Variants in MAD1L1 observed in about 807,000 individuals in gnomAD.
MAD1L1 encodes mitotic arrest deficient 1 like 1, also known as mitotic spindle assembly checkpoint protein MAD1.
MAD1L1 carries 95 observed loss-of-function variants against 96.9 expected under a neutral mutation model. That is an observed-to-expected ratio of 0.98 (90% CI 0.83 to 1.16). The LOEUF (loss-of-function observed/expected upper bound fraction) is 1.16. Ranked by LOEUF, MAD1L1 falls within the 50% of genes most tolerant of loss-of-function variation. MAD1L1 has a pLI of 0.00. For missense variants in MAD1L1, 1,007 were observed against 954.4 expected, an observed-to-expected ratio of 1.06 and a Z score of -0.73; for synonymous variants, 473 against 396.6, an observed-to-expected ratio of 1.19 and a Z score of -2.29.
intron 13 of MAD1L1, among the ~76,000 whole-genome samples, chr7:2,012,739 T>C (rs947112948): frequency 1.3e-5 from 2 of 152,180 alleles, no homozygotes; most frequent in East Asian, 3.9e-4. Flanking sequence ...GGACACGGCA[T>C]AGTTCCAGGG....
intron 17 of MAD1L1, among the ~76,000 whole-genome samples, chr7:1,935,494 C>T (rs961715503): frequency 2.6e-5 from 4 of 152,162 alleles, no homozygotes; most frequent in Admixed American, 6.5e-5. Flanking sequence ...CGGCAGGGTG[C>T]GCCCAGACTC....
At chr7:1,845,311 G>C (rs548983159) in intron 18 of MAD1L1, 1 of 152,302 alleles carries the variant, frequency 6.6e-6, no homozygotes, top group East Asian at 1.9e-4. Context: ...ATGTGGGAGA[G>C]GCCGGCGGCT....
In MAD1L1 at chr7:2,109,183, G is replaced by A. The variant is rs186728999; in HGVS notation, c.1074-39845C>T. ...CATCTCCCACCTAGACGGAAAACCC[G>A]AGCTCTGCTCCTCCTGAAATGAGGC... On this transcript the variant is annotated intron_variant, in intron 11 of 18. Transcript: ENST00000265854. 3.5e-3 allele frequency among the ~76,000 whole-genome samples: 531 copies of A among 152,288 alleles called. 4 individuals are homozygous for A. The highest frequency in any genetic ancestry group is 5.7e-3 in the Non-Finnish European group (385 of 68,010).
intron 14 of MAD1L1, among the ~76,000 whole-genome samples, chr7:1,984,816 TTA>T (rs1399119664): frequency 6.6e-6 from 1 of 152,258 alleles, no homozygotes; most frequent in African/African-American, 2.4e-5. Flanking sequence ...TTCTGTTGTA[TTA>T]TGTTGTTATG....
At chr7:2,128,067 G>C (rs558063526) in intron 11 of MAD1L1, among the ~76,000 whole-genome samples, 1 of 152,244 alleles carries the variant, frequency 6.6e-6, no homozygotes, top group South Asian at 2.1e-4. Context: ...CACAGTCGTC[G>C]GTTACAACTC....
At chr7:2,195,282 A>G (rs1019815860) in intron 10 of MAD1L1, among the ~76,000 whole-genome samples, 48 of 152,274 alleles carry the variant, frequency 3.2e-4, no homozygotes, top group African/African-American at 1.1e-3. Flanking sequence ...AAAAATACCT[A>G]CTTTTCTTAT....
intron 11 of MAD1L1, among the ~76,000 whole-genome samples, chr7:2,096,149 C>T (rs1562682659): frequency 6.6e-6 from 1 of 152,260 alleles, no homozygotes; most frequent in Non-Finnish European, 1.5e-5. Flanking sequence ...ACAGGCTGTG[C>T]TCAGAAGAAA....
intron 16 of MAD1L1, among the ~76,000 whole-genome samples, chr7:1,954,641 G>A (rs1288588562): frequency 1.1e-4 from 17 of 152,298 alleles, no homozygotes; most frequent in African/African-American, 3.4e-4. Context: ...CACGGGGTCC[G>A]CCCGATTTCT....
intron 18 of MAD1L1, among the ~76,000 whole-genome samples, chr7:1,842,053 G>A (rs1468371883): frequency 6.6e-6 from 1 of 152,180 alleles, no homozygotes; most frequent in South Asian, 2.1e-4. Context: ...CTTGTTTTTC[G>A]TCTTTGGCAG....
chr7:2,152,533 T>C (rs1461000712), intron 10 of MAD1L1, among the ~76,000 whole-genome samples: 3 of 152,174 alleles, frequency 2.0e-5, no homozygotes, highest in Admixed American at 6.5e-5. Context: ...GTGAGCTCGA[T>C]GACAGCCTTC....
intron 12 of MAD1L1, among the ~76,000 whole-genome samples, chr7:2,017,549 C>T (rs1299480530): frequency 1.3e-5 from 2 of 152,162 alleles, no homozygotes; most frequent in African/African-American, 4.8e-5. Context: ...GATAGTCGGG[C>T]AGAGGGGCTG....
At chr7:2,092,557 C>A (rs994676411) in intron 11 of MAD1L1, among the ~76,000 whole-genome samples, 2 of 151,722 alleles carry the variant, frequency 1.3e-5, no homozygotes, top group Admixed American at 1.3e-4. Context: ...ATGCCCCGCC[C>A]GAGCATCCTC....
chr7:2,183,863 T>A, intron 10 of MAD1L1, among the ~76,000 whole-genome samples: 1 of 151,814 alleles, frequency 6.6e-6, no homozygotes, highest in Non-Finnish European at 1.5e-5. Context: ...GTAACAAACC[T>A]GCACGTTGTG....
chr7:1,840,364 G>C (rs1710555712), intron 18 of MAD1L1, among the ~76,000 whole-genome samples: 1 of 152,200 alleles, frequency 6.6e-6, no homozygotes, highest in African/African-American at 2.4e-5. Flanking sequence ...GGGTATCTGG[G>C]AGACGCCTCT....
rs961747972 is a variant in MAD1L1, at chr7:2,232,894, G to C, written c.-212C>G. 3 of 152,250 alleles carry C rather than the reference G, an allele frequency of 2.0e-5. No homozygotes were observed. The highest frequency in any genetic ancestry group is 7.2e-5 in the African/African-American group (3 of 41,458). 9.4% of individuals were successfully genotyped at this position (152,250 alleles called of 1,614,324 possible). ...TACCTCAGCCGCTCGCAGCCAGCTT[G>C]CCGCCGCCGCTCGGATCTCCCTCCG... On this transcript the variant is annotated 5_prime_UTR_variant, in exon 1 of 19. Transcript: ENST00000265854.
chr7:2,121,179 G>A (rs968258195), intron 11 of MAD1L1, among the ~76,000 whole-genome samples: 1 of 152,254 alleles, frequency 6.6e-6, no homozygotes, highest in African/African-American at 2.4e-5. Flanking sequence ...CCCGCCTGAG[G>A]CCTCACGATC....
chr7:2,020,185 G>A (rs1168506565), intron 12 of MAD1L1, among the ~76,000 whole-genome samples: 3 of 152,180 alleles, frequency 2.0e-5, no homozygotes, highest in East Asian at 1.9e-4. Context: ...CGGGGTCAGC[G>A]CCCAGCCCGG....
chr7:1,817,237 AGCGTGTGTGGT>A (rs765626470), intron 18 of MAD1L1, among the ~76,000 whole-genome samples: 1 of 151,994 alleles, frequency 6.6e-6, no homozygotes, highest in Non-Finnish European at 1.5e-5. Flanking sequence ...CGCTGGCGGG[AGCGTGTGTGGT>A]GCGGCCACTG....
At chr7:2,155,198 C>A (rs1165790016) in intron 10 of MAD1L1, among the ~76,000 whole-genome samples, 1 of 152,210 alleles carries the variant, frequency 6.6e-6, no homozygotes, top group Non-Finnish European at 1.5e-5. Flanking sequence ...CAGGCCTGAC[C>A]TGCTGACCTG....
Sources: allele counts gnomAD v4.1 joint callset (sites outside exome capture counted in the v4.1 genomes callset), GRCh38; gene constraint gnomAD v4.1.1; transcripts MANE v1.5; gene names NCBI Gene and HGNC (gene_info 2026-07-23, HGNC 2026-07-21).